The following APOL3 variants were observed in gnomAD, a reference collection of about 807,000 sequenced individuals.
APOL3 encodes the protein apolipoprotein L3.
APOL3 carries 14 observed loss-of-function variants against 11.6 expected under a neutral mutation model. That is an observed-to-expected ratio of 1.21 (90% CI 0.80 to 1.89). The LOEUF is 1.89. APOL3 is among the 40% of genes most tolerant of loss of function. The pLI, the probability that APOL3 is intolerant of heterozygous loss-of-function variation, is 0.00. For missense variants in APOL3, 483 were observed against 492.1 expected (o/e 0.98, Z 0.17); for synonymous variants, 192 against 190.6 (o/e 1.01, Z -0.06).
chr22:36,154,236 G>A (rs1442258439), intron 1 of APOL3, among the ~76,000 whole-genome samples: 4 of 152,202 alleles, frequency 2.6e-5, no homozygotes, highest in Admixed American at 2.6e-4. Context: ...GGCTGAGGAG[G>A]AAGTCCTTTA....
upstream of APOL3, among the ~76,000 whole-genome samples, chr22:36,161,306 C>T (rs1373687365): frequency 6.6e-6 from 1 of 152,124 alleles, no homozygotes; most frequent in African/African-American, 2.4e-5. Context: ...TCAAATGAAC[C>T]TCCTGAGTAG....
intron 1 of APOL3, among the ~76,000 whole-genome samples, chr22:36,160,289 T>C (rs1603475983): frequency 6.6e-6 from 1 of 152,168 alleles, no homozygotes; most frequent in Non-Finnish European, 1.5e-5. Flanking sequence ...CAGGCCAGGC[T>C]CTGGATCACC....
chr22:36,148,293 G>C (rs1033283363), intron 1 of APOL3, among the ~76,000 whole-genome samples: 4 of 152,226 alleles, frequency 2.6e-5, no homozygotes, highest in African/African-American at 9.6e-5. Flanking sequence ...GCCGTGCAGG[G>C]CAGGCGCCCT....
At chr22:36,150,429 G>C (rs1014534982) in intron 1 of APOL3, among the ~76,000 whole-genome samples, 2 of 152,162 alleles carry the variant, frequency 1.3e-5, no homozygotes, top group Admixed American at 1.3e-4. Context: ...GGTACCATTT[G>C]TATTTCCATT....
chr22:36,150,777 C>T (rs541099530), intron 1 of APOL3, among the ~76,000 whole-genome samples: 2 of 152,228 alleles, frequency 1.3e-5, no homozygotes, highest in Non-Finnish European at 2.9e-5. Flanking sequence ...CCCAGTTACC[C>T]GGGAGGCTGA....
intron 1 of APOL3, chr22:36,157,107 C>T (rs779374882): frequency 2.3e-6 from 1 of 443,296 alleles, no homozygotes; most frequent in Non-Finnish European, 4.5e-6. Context: ...CCGTGTCCTC[C>T]CCAGTCTTAT....
At chr22:36,154,549 G>T (rs1164092109) in intron 1 of APOL3, 1 of 461,160 alleles carries the variant, frequency 2.2e-6, no homozygotes, top group Non-Finnish European at 4.5e-6. Flanking sequence ...GTTCCTGTTC[G>T]TAAGTGTTGA....
exon 3 of APOL3, chr22:36,140,597 C>T (rs2059951732): frequency 6.5e-6 from 1 of 152,800 alleles, no homozygotes; most frequent in South Asian, 2.1e-4. Flanking sequence ...GGACATATAC[C>T]CCTAAATAAC....
intron 2 of APOL3, among the ~76,000 whole-genome samples, chr22:36,143,638 C>T (rs964336911): frequency 6.6e-6 from 1 of 152,200 alleles, no homozygotes; most frequent in African/African-American, 2.4e-5. Flanking sequence ...GCCACTGCCC[C>T]CTTTGACTGA....
intron 2 of APOL3, among the ~76,000 whole-genome samples, chr22:36,144,791 C>T (rs1037560745): frequency 2.0e-5 from 3 of 151,932 alleles, no homozygotes; most frequent in Non-Finnish European, 4.4e-5. Flanking sequence ...GGGAGGATCA[C>T]GAGGTCAGGA....
chr22:36,163,337 A>G (rs1167138594), upstream of APOL3, among the ~76,000 whole-genome samples: 1 of 152,198 alleles, frequency 6.6e-6, no homozygotes, highest in Non-Finnish European at 1.5e-5. Context: ...CCGGGAACGA[A>G]GGGTAGGCCC....
chr22:36,162,667 T>G (rs1271195624), upstream of APOL3, among the ~76,000 whole-genome samples: 1 of 152,172 alleles, frequency 6.6e-6, no homozygotes, highest in Non-Finnish European at 1.5e-5. Context: ...TCAATACACT[T>G]TGCTTTGAGC....
At chr22:36,141,929 C>T (rs200073271) in exon 3 of APOL3, 1 of 1,614,208 alleles carries the variant, frequency 6.2e-7, no homozygotes, top group South Asian at 1.1e-5. Flanking sequence ...GGATCTTCCT[C>T]TTGACTTGGG....
chr22:36,163,083 G>A (rs929129524), upstream of APOL3, among the ~76,000 whole-genome samples: 2 of 152,148 alleles, frequency 1.3e-5, no homozygotes, highest in African/African-American at 2.4e-5. Flanking sequence ...GCTGTTTAAC[G>A]TGATTAAACA....
At chr22:36,147,918 C>T (rs370510362) in intron 1 of APOL3, among the ~76,000 whole-genome samples, 2 of 152,152 alleles carry the variant, frequency 1.3e-5, no homozygotes, top group Non-Finnish European at 2.9e-5. Flanking sequence ...TGGGTGCTTA[C>T]GTTAGGCACA....
intron 1 of APOL3, among the ~76,000 whole-genome samples, chr22:36,158,831 T>C (rs2146895848): frequency 6.6e-6 from 1 of 151,800 alleles, no homozygotes; most frequent in African/African-American, 2.4e-5. Flanking sequence ...AAAAGACTAA[T>C]GAATGCGATG....
chr22:36,153,796 T>G (rs1016414602), intron 1 of APOL3, among the ~76,000 whole-genome samples: 1 of 152,240 alleles, frequency 6.6e-6, no homozygotes, highest in African/African-American at 2.4e-5. Flanking sequence ...GAAGTCCTGA[T>G]GACATGTGCC....
chr22:36,149,482 T>C (rs1244915669), intron 1 of APOL3: 2 of 1,012,220 alleles, frequency 2.0e-6, no homozygotes, highest in Non-Finnish European at 2.7e-6. Context: ...GTTCTGACAA[T>C]GACCTGGGCC....
chr22:36,163,518 T>G (rs192708356), upstream of APOL3, among the ~76,000 whole-genome samples: 28 of 152,358 alleles, frequency 1.8e-4, no homozygotes, highest in African/African-American at 6.3e-4. Context: ...GCTTCATTTC[T>G]TTTCTTTCTT....
Sources: allele counts gnomAD v4.1 joint callset (sites outside exome capture counted in the v4.1 genomes callset), GRCh38; gene constraint gnomAD v4.1.1; transcripts MANE v1.5; gene names NCBI Gene and HGNC (gene_info 2026-07-23, HGNC 2026-07-21).